The following EYA3 variants were observed in gnomAD, a reference collection of about 807,000 sequenced individuals.
EYA3 encodes EYA transcriptional coactivator and phosphatase 3.
EYA3 carries 39 observed loss-of-function variants against 80.0 expected under a neutral mutation model. That is an observed-to-expected ratio of 0.49 (90% CI 0.38 to 0.64). EYA3 has a LOEUF of 0.64. Ranked by LOEUF, EYA3 falls within the 30% of genes least tolerant of loss-of-function variation. EYA3 has a pLI of 0.00. For synonymous variants in EYA3, 206 were observed against 232.8 expected, an observed-to-expected ratio of 0.88 and a Z score of 1.05; for missense variants, 523 against 676.1, an observed-to-expected ratio of 0.77 and a Z score of 2.51.
intron 7 of EYA3, among the ~76,000 whole-genome samples, chr1:28,022,230 G>A (rs900388772): frequency 6.6e-6 from 1 of 151,872 alleles, no homozygotes; most frequent in Non-Finnish European, 1.5e-5. Context: ...CTCACTGCAA[G>A]CTCCGCCTCC....
chr1:27,981,729 G>C (rs537897987), intron 16 of EYA3, among the ~76,000 whole-genome samples: 8 of 141,396 alleles, frequency 5.7e-5, no homozygotes, highest in African/African-American at 2.1e-4. Context: ...AGTGAGTCGT[G>C]ATCACTGAAC....
At position 28,002,985 on chromosome 1, in the gene EYA3, A is replaced by C. The variant is rs189717404; in HGVS notation, c.993+1351T>G. 3.6e-4 allele frequency among the ~76,000 whole-genome samples: 55 copies of C among 151,462 alleles called. 1 individual carries two copies. In the East Asian group the frequency reaches 0.011, roughly 30 times the overall value. ...AAGTACAAAAATTAGGGCTGGGCGC[A>C]GTGGCTCACGCTTGTAATCCCAGCA... On this transcript the variant is annotated intron_variant, in intron 11 of 17. Transcript: ENST00000373871.
At chr1:28,006,191 A>G (rs554989944) in intron 10 of EYA3, among the ~76,000 whole-genome samples, 1 of 152,300 alleles carries the variant, frequency 6.6e-6, no homozygotes, top group East Asian at 1.9e-4. Flanking sequence ...TCAACATTAA[A>G]AAATTAATTA....
intron 6 of EYA3, among the ~76,000 whole-genome samples, chr1:28,028,398 C>T (rs1642913720): frequency 6.6e-6 from 1 of 152,074 alleles, no homozygotes; most frequent in Non-Finnish European, 1.5e-5. Flanking sequence ...CCTTCTTAAG[C>T]TGGTTATTTT....
chr1:28,062,738 C>T (rs1049258737), intron 1 of EYA3, among the ~76,000 whole-genome samples: 1 of 151,220 alleles, frequency 6.6e-6, no homozygotes, highest in Non-Finnish European at 1.5e-5. Flanking sequence ...CAGTGGCTCA[C>T]ACCTGTAATC....
intron 1 of EYA3, among the ~76,000 whole-genome samples, chr1:28,061,317 T>C (rs1317872583): frequency 6.6e-6 from 1 of 152,196 alleles, no homozygotes; most frequent in Non-Finnish European, 1.5e-5. Flanking sequence ...ATTTGTACCC[T>C]GAAAGACCTG....
In EYA3 at chr1:28,038,863, T is replaced by C; in HGVS notation, c.200A>G (p.Tyr67Cys). 1 of 1,598,890 alleles carries C rather than the reference T, an allele frequency of 6.3e-7. No homozygotes were observed. Among genetic ancestry groups the C allele is most frequent in the Non-Finnish European group, 8.5e-7 (1 of 1,170,154 alleles). Residue 67 changes from tyrosine (Y) to cysteine (C), a missense_variant, in exon 5 of 18, where the codon TAT becomes TGT. By Grantham distance (194) the Tyr-to-Cys change is radical (BLOSUM62 -2). This residue lies in a region of EYA3 where 304 missense variants were observed against 343.3 expected (regional missense o/e 0.89). Coordinates refer to ENST00000373871, the MANE Select transcript of EYA3 (RefSeq NM_001990.4). Reference sequence around the variant, plus strand: ...CTTTGCAGAATACATTTGTGAGGTATAATCATTGGATGAGCGAGGGATGTA... The same window carrying C: ...CTTTGCAGAATACATTTGTGAGGTACAATCATTGGATGAGCGAGGGATGTA... ...TDYIPRSSND[Y>C]TSQMYSAKPY...
chr1:28,063,338 GA>G (rs1468984690), intron 1 of EYA3, among the ~76,000 whole-genome samples: 5 of 144,050 alleles, frequency 3.5e-5, no homozygotes, highest in Admixed American at 1.4e-4. Context: ...TTTGGGGGGG[GA>G]AATAACTAAA....
intron 16 of EYA3, 112 bp from the exon 17 acceptor site, chr1:27,978,586 C>A: frequency 1.3e-6 from 1 of 780,594 alleles, no homozygotes; most frequent in Non-Finnish European, 2.1e-6. Context: ...TAAGTGACAG[C>A]CCATGTAGTT....
chr1:28,021,493 A>G (rs968992783), intron 7 of EYA3, among the ~76,000 whole-genome samples: 2 of 152,166 alleles, frequency 1.3e-5, no homozygotes, highest in Non-Finnish European at 2.9e-5. Flanking sequence ...GCTGTCTTAT[A>G]ATCTCCAGCA....
At chr1:28,047,141 T>TC (rs1208701260) in intron 3 of EYA3, among the ~76,000 whole-genome samples, 1 of 150,128 alleles carries the variant, frequency 6.7e-6, no homozygotes, top group African/African-American at 2.4e-5. Context: ...CCAGTTAAGT[T>TC]CCTTTTTTTT....
At chr1:28,010,536 G>A (rs537455840) in intron 10 of EYA3, among the ~76,000 whole-genome samples, 2 of 152,046 alleles carry the variant, frequency 1.3e-5, no homozygotes, top group African/African-American at 2.4e-5. Context: ...GACTACAGGT[G>A]TGCAGCTAAT....
chr1:28,010,022 TTTTC>T (rs1187441057), intron 10 of EYA3, among the ~76,000 whole-genome samples: 4 of 152,198 alleles, frequency 2.6e-5, no homozygotes, highest in Non-Finnish European at 4.4e-5. Flanking sequence ...GAAATTTACT[TTTTC>T]TTTCTTTCTT....
chr1:28,029,854 CAA>C (rs969695934), intron 6 of EYA3, among the ~76,000 whole-genome samples: 1 of 152,012 alleles, frequency 6.6e-6, no homozygotes, highest in African/African-American at 2.4e-5. Flanking sequence ...CTCAGCCTCC[CAA>C]AGTGTTGGGA....
chr1:28,078,393 G>A (rs1645298153), intron 1 of EYA3, among the ~76,000 whole-genome samples: 1 of 152,126 alleles, frequency 6.6e-6, no homozygotes, highest in Non-Finnish European at 1.5e-5. Context: ...ATCATGCCCT[G>A]TTACTCAGCA....
chr1:28,022,925 C>G (rs1024133018), intron 7 of EYA3, among the ~76,000 whole-genome samples: 3 of 152,070 alleles, frequency 2.0e-5, no homozygotes, highest in Non-Finnish European at 4.4e-5. Context: ...CCTTGTTGCC[C>G]AGGCTGGAAG....
intron 7 of EYA3, among the ~76,000 whole-genome samples, chr1:28,018,221 AAAAAG>A (rs1642201435): frequency 6.6e-6 from 1 of 152,148 alleles, no homozygotes; most frequent in African/African-American, 2.4e-5. Context: ...AAAAAAGAAA[AAAAAG>A]AAAGAAAATG....
rs187815606 is a variant in EYA3, at chr1:28,083,093, G to T, written c.-69+5431C>A. On this transcript the variant is annotated intron_variant, in intron 1 of 17. Transcript: ENST00000373871. ...GAAATCACTAAAGTAGCAGACCCTT[G>T]TACAAATAAGATTAACTCAGGAGCC... 3.9e-5 allele frequency among the ~76,000 whole-genome samples: 6 copies of T among 152,228 alleles called. No individual in the cohort carries two copies. In the East Asian group the frequency reaches 1.2e-3, roughly 29 times the overall value.
At chr1:28,083,774 T>A (rs1645515626) in intron 1 of EYA3, among the ~76,000 whole-genome samples, 1 of 152,200 alleles carries the variant, frequency 6.6e-6, no homozygotes, top group South Asian at 2.1e-4. Flanking sequence ...AATTATGTTG[T>A]CTTACGTTTA....
Sources: allele counts gnomAD v4.1 joint callset (sites outside exome capture counted in the v4.1 genomes callset), GRCh38; gene constraint gnomAD v4.1.1; regional missense constraint gnomAD v4.1.1; transcripts MANE v1.5; gene names NCBI Gene and HGNC (gene_info 2026-07-23, HGNC 2026-07-21).